The following GRIK5 variants were observed in gnomAD, a reference collection of about 807,000 sequenced individuals.
GRIK5 encodes glutamate ionotropic receptor kainate type subunit 5.
GRIK5 carries 43 observed loss-of-function variants against 97.4 expected under a neutral mutation model. The observed-to-expected ratio is 0.44, with a 90% CI of 0.35 to 0.57. GRIK5 has a LOEUF of 0.57. Ranked by LOEUF, GRIK5 falls within the 20% of genes least tolerant of loss-of-function variation. The pLI is 0.01. For missense variants in GRIK5, 1,015 were observed against 1,382.0 expected, an observed-to-expected ratio of 0.73 and a Z score of 4.21; for synonymous variants, 580 against 583.5, an observed-to-expected ratio of 0.99 and a Z score of 0.09.
rs1191187416 is a variant in GRIK5 at position 42,070,128 on chromosome 19, G to GCCGCCA, written c.-944_-939dup. ...TGGGCCTGCCTCCCTGCCGCTGGCT[G>GCCGCCA]CCGCCACCGCTCAGTCTCCCCTCCG... is the stretch of plus-strand genomic sequence containing the variant. On this transcript the variant is annotated 5_prime_UTR_variant, in exon 1 of 20. Transcript: ENST00000593562. Among the ~76,000 whole-genome samples, 1 of 152,066 alleles carries GCCGCCA rather than the reference G, an allele frequency of 6.6e-6. No individual in the cohort carries two copies. The highest frequency in any genetic ancestry group is 2.4e-5 in the African/African-American group (1 of 41,418).
intron 5 of GRIK5, among the ~76,000 whole-genome samples, chr19:42,059,997 C>T (rs1480331776): frequency 1.3e-5 from 2 of 152,092 alleles, no homozygotes; most frequent in African/African-American, 4.8e-5. Context: ...CCAACTCCTG[C>T]CTGCTGCAAT....
At chr19:42,043,994 A>C (rs963211884) in intron 11 of GRIK5, among the ~76,000 whole-genome samples, 5 of 152,146 alleles carry the variant, frequency 3.3e-5, no homozygotes, top group Admixed American at 2.0e-4. Flanking sequence ...TAATCCCCAT[A>C]ATCCCTATGT....
At chr19:42,054,213 C>A in intron 9 of GRIK5, 107 bp downstream of exon 9, 2 of 1,206,892 alleles carry the variant, frequency 1.7e-6, no homozygotes, top group Admixed American at 1.9e-5. Flanking sequence ...GCAGTGGGTA[C>A]GGTGGGAAGA....
chr19:42,066,926 GC>G (rs1273860006), intron 1 of GRIK5, among the ~76,000 whole-genome samples: 1 of 152,096 alleles, frequency 6.6e-6, no homozygotes, highest in Non-Finnish European at 1.5e-5. Flanking sequence ...CCATACCACT[GC>G]CCCCCACCCT....
At chr19:42,028,732 A>G (rs540965586) in intron 12 of GRIK5, among the ~76,000 whole-genome samples, 10 of 151,764 alleles carry the variant, frequency 6.6e-5, no homozygotes. Context: ...CTGCCATGAT[A>G]CCTCCATGAC....
rs114901313 is a variant in GRIK5 at position 42,068,504 on chromosome 19, G to A, written c.-51+737C>T. 8.3e-3 allele frequency: 3,144 copies of A among 380,200 alleles called. 45 individuals are homozygous for A. Among genetic ancestry groups the A allele is most frequent in the African/African-American group, 0.037 (1,772 of 48,312 alleles). 23.6% of individuals were successfully genotyped at this position (380,200 alleles called of 1,614,324 possible). ...CTGAGGAGGGAGGGACTGAGGAGCC[G>A]GGCACCCAGAGTGGATCTGGGGGAA... On this transcript the variant is annotated intron_variant, in intron 1 of 19. Transcript: ENST00000593562.
chr19:42,064,981 G>A (rs2076309892), intron 3 of GRIK5, among the ~76,000 whole-genome samples: 1 of 152,244 alleles, frequency 6.6e-6, no homozygotes, highest in South Asian at 2.1e-4. Flanking sequence ...GGATGATAGG[G>A]CTTATCTTTT....
At chr19:42,035,145 AT>A (rs937249244) in intron 12 of GRIK5, among the ~76,000 whole-genome samples, 99 of 151,810 alleles carry the variant, frequency 6.5e-4, no homozygotes, top group Non-Finnish European at 1.2e-3. Flanking sequence ...CATCCAGCTA[AT>A]TTTTTTGTAT....
At chr19:42,053,752 G>C in intron 10 of GRIK5, 43 bp from the exon 11 acceptor site, 1 of 1,547,570 alleles carries the variant, frequency 6.5e-7, no homozygotes, top group Non-Finnish European at 8.9e-7. Flanking sequence ...CCCTGCCTGA[G>C]GTCATGGCAG....
intron 12 of GRIK5, among the ~76,000 whole-genome samples, chr19:42,031,881 G>A (rs1488596027): frequency 6.6e-6 from 1 of 152,148 alleles, no homozygotes; most frequent in South Asian, 2.1e-4. Context: ...GCCTGTAATC[G>A]TAACACTTTG....
Position 42,021,895 on chromosome 19 carries a change from C to T in GRIK5, c.1697+52G>A, listed in dbSNP as rs2075703051. 1 of 1,286,640 alleles carries T rather than the reference C, an allele frequency of 7.8e-7. No individual in the cohort carries two copies. The highest frequency in any genetic ancestry group is 1.1e-6 in the Non-Finnish European group (1 of 901,470). 79.7% of individuals were successfully genotyped at this position (1,286,640 alleles called of 1,614,324 possible). On this transcript the variant is annotated intron_variant, in intron 14 of 19. Coordinates refer to ENST00000593562, the MANE Select transcript of GRIK5 (RefSeq NM_002088.5). The surrounding 1 kb of genome is among the most constrained non-coding windows in gnomAD (Gnocchi z 4.2). The stretch of plus-strand genomic sequence containing the variant: ...GAAGAGGCAGGTCGGTCCCAGAGGC[C>T]TCGGCTCGTGCCTCCTCCAGCCCCT...
chr19:42,012,249 T>C (rs1270255914), intron 15 of GRIK5, among the ~76,000 whole-genome samples: 1 of 151,870 alleles, frequency 6.6e-6, no homozygotes, highest in Non-Finnish European at 1.5e-5. Flanking sequence ...TATGTATGTA[T>C]GTATGTATTT....
In GRIK5 at chr19:42,062,781, T is replaced by C; in HGVS notation, c.319A>G (p.Ser107Gly). ...SSSPASASTVSHICGEKEIPH... is the reference protein window; with the variant it reads ...SSSPASASTVGHICGEKEIPH... ...ACCTCCTTCTCTCCACAGATATGGC[T>C]CACGGTGGAGGCAGATGCTGGGCTA... The change falls in exon 4 of 20, where the codon AGC (serine) becomes GGC (glycine). Residue 107 changes from serine (S) to glycine (G), a missense_variant. Ser to Gly is a moderately conservative substitution (Grantham distance 56, BLOSUM62 0). Around this residue, in one of 5 missense-constraint regions of GRIK5, gnomAD observed 198 missense variants for 218.2 expected, o/e 0.91. Coordinates refer to ENST00000593562, the MANE Select transcript of GRIK5 (RefSeq NM_002088.5). The surrounding 1 kb of genome is among the most constrained non-coding windows in gnomAD (Gnocchi z 5.3). 1.9e-6 allele frequency: 3 copies of C among 1,613,886 alleles called. No homozygotes were observed. Among genetic ancestry groups the C allele is most frequent in the Non-Finnish European group, 2.5e-6 (3 of 1,179,822 alleles).
chr19:42,063,544 T>C (rs1017830216), intron 3 of GRIK5: 2 of 359,752 alleles, frequency 5.6e-6, no homozygotes, highest in South Asian at 2.1e-5. Flanking sequence ...GAAATACATA[T>C]GGGTGCAAAT....
intron 15 of GRIK5, among the ~76,000 whole-genome samples, chr19:42,017,055 T>C (rs1234698689): frequency 2.0e-5 from 3 of 152,132 alleles, no homozygotes; most frequent in South Asian, 2.1e-4. Flanking sequence ...CTGCTCACCG[T>C]TGGGGGAAAT....
At chr19:42,058,267 A>G (rs1383960152) in intron 6 of GRIK5, among the ~76,000 whole-genome samples, 1 of 151,148 alleles carries the variant, frequency 6.6e-6, no homozygotes, top group African/African-American at 2.4e-5. Context: ...TGCAAGCTCC[A>G]CCTCCCGGGT....
At chr19:42,067,683 G>C (rs1599861644) in intron 1 of GRIK5, among the ~76,000 whole-genome samples, 1 of 152,250 alleles carries the variant, frequency 6.6e-6, no homozygotes, top group Admixed American at 6.5e-5. Context: ...GCCAAAGGTG[G>C]GAGCAGACAG....
Position 42,065,735 on chromosome 19 carries a change from G to C in GRIK5, c.36C>G (p.Ala12=). 6.3e-7 allele frequency: 1 copy of C among 1,597,684 alleles called. No individual in the cohort carries two copies. The highest frequency in any genetic ancestry group is 1.7e-4 in the Middle Eastern group (1 of 5,760). Residue 12 remains alanine, a synonymous_variant, in exon 2 of 20, where the codon GCC becomes GCG. Coordinates refer to ENST00000593562, the MANE Select transcript of GRIK5 (RefSeq NM_002088.5). The surrounding 1 kb of genome is among the most constrained non-coding windows in gnomAD (Gnocchi z 5.8). ...GCACCTGGCAGCTGGGGCTGGCGAA[G>C]GCAACAATCAGCAGCAGCAGCAGCT... ...PAELLLLLIV[A]FASPSCQVLS...
At position 42,006,876 on chromosome 19, in the gene GRIK5, C is replaced by T. The variant is rs1007275776; in HGVS notation, c.1872-66G>A. ...CTGCTGACCTGCCCCCGTGGCCATG[C>T]CCCCCATTGGTGGTGCCCCTCCCAA... On this transcript the variant is annotated intron_variant, in intron 15 of 19. Transcript: ENST00000593562. This position sits in a 1 kb window ranked among gnomAD's most constrained non-coding sequence, Gnocchi z 5.3. The T allele has an allele frequency of 1.7e-5, 22 of 1,273,078 alleles. No individual in the cohort carries two copies. The highest frequency in any genetic ancestry group is 2.3e-5 in the Non-Finnish European group (21 of 928,980). 78.9% of individuals were successfully genotyped at this position (1,273,078 alleles called of 1,614,324 possible). A position where few individuals can be genotyped will look rare whatever the true frequency, so the allele number is the denominator to read the frequency against.
Sources: gnomAD v4.1 joint callset for allele counts (sites outside exome capture counted in the v4.1 genomes callset) on GRCh38, gnomAD v4.1.1 for gene constraint, gnomAD v4.1.1 regional missense constraint, Gnocchi (gnomAD v3.1) non-coding constraint, MANE v1.5 for transcripts, NCBI Gene and HGNC (gene_info 2026-07-23, HGNC 2026-07-21) for gene names.